Variants in SGMS1 observed in about 807,000 individuals in gnomAD.
SGMS1 encodes sphingomyelin synthase 1, also known as phosphatidylcholine:ceramide cholinephosphotransferase 1.
SGMS1 carries 13 observed loss-of-function variants against 46.2 expected under a neutral mutation model. The observed-to-expected ratio is 0.28, with a 90% confidence interval of 0.18 to 0.45. The LOEUF is 0.45. SGMS1 is among the 20% of genes least tolerant of loss of function. The pLI, the probability that SGMS1 is intolerant of heterozygous loss-of-function variation, is 1.00. For missense variants in SGMS1, 324 were observed against 519.9 expected, an observed-to-expected ratio of 0.62 and a Z score of 3.66; for synonymous variants, 203 against 187.8, an observed-to-expected ratio of 1.08 and a Z score of -0.66.
At chr10:50,588,045 C>G (rs542161502) in intron 2 of SGMS1, among the ~76,000 whole-genome samples, 2 of 152,198 alleles carry the variant, frequency 1.3e-5, no homozygotes, top group Admixed American at 6.5e-5. Flanking sequence ...CTTCAAAACC[C>G]CCTTTGCCTC....
At chr10:50,477,955 G>T (rs1291884156) in intron 3 of SGMS1, among the ~76,000 whole-genome samples, 1 of 150,792 alleles carries the variant, frequency 6.6e-6, no homozygotes, top group East Asian at 2.0e-4. Context: ...AGCAGTGTGA[G>T]GGCAGGCTAA....
intron 2 of SGMS1, among the ~76,000 whole-genome samples, chr10:50,573,861 A>G (rs1042992499): frequency 6.6e-6 from 1 of 152,218 alleles, no homozygotes; most frequent in African/African-American, 2.4e-5. Context: ...CAATGCAGAA[A>G]TAAACCCATG....
chr10:50,395,070 T>G (rs778055541), intron 6 of SGMS1, among the ~76,000 whole-genome samples: 64 of 152,290 alleles, frequency 4.2e-4, no homozygotes, highest in Admixed American at 2.0e-3. Context: ...AGCTTGTCCC[T>G]TTAACAAGAG....
intron 7 of SGMS1, among the ~76,000 whole-genome samples, chr10:50,331,947 A>C (rs1216009692): frequency 1.3e-5 from 2 of 152,110 alleles, no homozygotes; most frequent in Non-Finnish European, 2.9e-5. Context: ...GAATGCTGTA[A>C]CTCACCCAGT....
At chr10:50,612,057 C>T (rs1838754849) in intron 1 of SGMS1, among the ~76,000 whole-genome samples, 1 of 152,240 alleles carries the variant, frequency 6.6e-6, no homozygotes, top group Non-Finnish European at 1.5e-5. Flanking sequence ...GCCCTCCCCA[C>T]CACTTCCTTA....
intron 2 of SGMS1, among the ~76,000 whole-genome samples, chr10:50,538,465 A>T (rs1176156885): frequency 6.6e-6 from 1 of 151,802 alleles, no homozygotes; most frequent in Non-Finnish European, 1.5e-5. Flanking sequence ...CTCAAAAAAA[A>T]AAAAAAAAAA....
chr10:50,569,513 C>T (rs997675623), intron 2 of SGMS1, among the ~76,000 whole-genome samples: 5 of 151,970 alleles, frequency 3.3e-5, no homozygotes, highest in Non-Finnish European at 5.9e-5. Flanking sequence ...AAATCTCTCC[C>T]ATGGAAATGG....
At chr10:50,432,554 G>A (rs1428986695) in intron 6 of SGMS1, among the ~76,000 whole-genome samples, 2 of 152,082 alleles carry the variant, frequency 1.3e-5, no homozygotes, top group African/African-American at 4.8e-5. Context: ...TCTACCTGCA[G>A]ATACTACCTA....
chr10:50,367,609 T>A (rs1053189084), intron 6 of SGMS1, among the ~76,000 whole-genome samples: 26 of 151,626 alleles, frequency 1.7e-4, no homozygotes, highest in African/African-American at 5.3e-4. Flanking sequence ...TACCTAGATC[T>A]CCACACCAGT....
At chr10:50,596,488 T>C (rs1035718757) in intron 1 of SGMS1, among the ~76,000 whole-genome samples, 2 of 152,138 alleles carry the variant, frequency 1.3e-5, no homozygotes, top group Non-Finnish European at 2.9e-5. Context: ...CAATTTCTTT[T>C]TTACTAATAT....
Position 50,328,865 on chromosome 10 carries a change from A to C in SGMS1, c.624-1543T>G, listed in dbSNP as rs572600416. Among the ~76,000 whole-genome samples the C allele has an allele frequency of 7.4e-4, 112 of 152,354 alleles. 2 individuals are homozygous for C. The highest frequency in any genetic ancestry group is 1.8e-4 in the Non-Finnish European group (12 of 68,022). ...ACTAGAGAAGAATACCAGCCTATAA[A>C]TGTCTTTGCCAAGAACACCAAAAAA... On this transcript the variant is annotated intron_variant, in intron 7 of 10. Transcript: ENST00000361781.
At chr10:50,587,047 C>A (rs1564438542) in intron 2 of SGMS1, among the ~76,000 whole-genome samples, 2 of 152,134 alleles carry the variant, frequency 1.3e-5, no homozygotes, top group East Asian at 1.9e-4. Context: ...CAAAAGAGTA[C>A]AATCTGCATT....
chr10:50,381,776 A>G (rs1301857932), intron 6 of SGMS1, among the ~76,000 whole-genome samples: 1 of 152,208 alleles, frequency 6.6e-6, no homozygotes, highest in African/African-American at 2.4e-5. Flanking sequence ...GTGGCCTGGC[A>G]CAGCCTATGT....
At chr10:50,531,002 G>C (rs1039919247) in intron 2 of SGMS1, among the ~76,000 whole-genome samples, 2 of 152,146 alleles carry the variant, frequency 1.3e-5, no homozygotes, top group Non-Finnish European at 2.9e-5. Flanking sequence ...TTCACAAACA[G>C]GATGGTCCCT....
At chr10:50,406,704 CT>C (rs11424535) in intron 6 of SGMS1, among the ~76,000 whole-genome samples, 13 of 145,066 alleles carry the variant, frequency 9.0e-5, no homozygotes, top group African/African-American at 2.8e-4. Context: ...AGCTATAATT[CT>C]TTTTTTTTTT....
intron 2 of SGMS1, among the ~76,000 whole-genome samples, chr10:50,552,166 C>T (rs1030274335): frequency 1.2e-4 from 18 of 152,158 alleles, no homozygotes; most frequent in South Asian, 2.1e-4. Context: ...CAGACAGGCA[C>T]GCAAGGCATA....
chr10:50,442,388 T>C (rs1242213740), intron 5 of SGMS1, among the ~76,000 whole-genome samples: 1 of 151,980 alleles, frequency 6.6e-6, no homozygotes, highest in Non-Finnish European at 1.5e-5. Context: ...CCTCTATGTG[T>C]CCACGTGTTC....
chr10:50,348,125 T>C (rs990668287), intron 6 of SGMS1, among the ~76,000 whole-genome samples: 5 of 152,164 alleles, frequency 3.3e-5, no homozygotes, highest in African/African-American at 1.2e-4. Context: ...GGTTTTCTGT[T>C]CATGTGTTAC....
intron 1 of SGMS1, among the ~76,000 whole-genome samples, chr10:50,613,059 A>G (rs1838765526): frequency 6.6e-6 from 1 of 152,226 alleles, no homozygotes; most frequent in African/African-American, 2.4e-5. Context: ...GACCACTTAT[A>G]GCACACATCT....
Sources: allele counts gnomAD v4.1 joint callset (sites outside exome capture counted in the v4.1 genomes callset), GRCh38; gene constraint gnomAD v4.1.1; transcripts MANE v1.5; gene names NCBI Gene and HGNC (gene_info 2026-07-23, HGNC 2026-07-21).